The following SNX24 variants were observed in gnomAD, a reference collection of about 807,000 sequenced individuals.
The protein encoded by SNX24 is sorting nexin 24.
A neutral mutation model predicts 28.7 loss-of-function variants in SNX24; 22 were observed. That is an observed-to-expected ratio of 0.77 (90% CI 0.55 to 1.10). The LOEUF (loss-of-function observed/expected upper bound fraction) is 1.10. Ranked by LOEUF, SNX24 falls within the 50% of genes least tolerant of loss-of-function variation. SNX24 has a pLI of 0.00. For missense variants in SNX24, 221 were observed against 201.1 expected (o/e 1.10, Z -0.60); for synonymous variants, 69 against 71.5 (o/e 0.96, Z 0.18).
At chr5:122,966,800 TA>T (rs1476507052) in intron 3 of SNX24, among the ~76,000 whole-genome samples, 2 of 152,164 alleles carry the variant, frequency 1.3e-5, no homozygotes, top group Non-Finnish European at 2.9e-5. Flanking sequence ...TTAGCTAAAA[TA>T]CATGAAGCAT....
At chr5:123,020,368 G>A (rs917968815) in intron 5 of SNX24, among the ~76,000 whole-genome samples, 1 of 152,308 alleles carries the variant, frequency 6.6e-6, no homozygotes, top group East Asian at 1.9e-4. Flanking sequence ...GCATTTTGTT[G>A]TATTTGCTTT....
chr5:122,981,711 T>C (rs1761400929), intron 3 of SNX24, among the ~76,000 whole-genome samples: 1 of 152,272 alleles, frequency 6.6e-6, no homozygotes, highest in African/African-American at 2.4e-5. Context: ...GCAGTCTCGC[T>C]CTGTCTCCCA....
At chr5:122,983,675 C>T (rs1273161732) in intron 3 of SNX24, among the ~76,000 whole-genome samples, 2 of 152,198 alleles carry the variant, frequency 1.3e-5, no homozygotes, top group Non-Finnish European at 2.9e-5. Flanking sequence ...AAGATCATAG[C>T]TCACTGTAGC....
At chr5:122,863,463 G>A (rs2150044576) in intron 1 of SNX24, among the ~76,000 whole-genome samples, 1 of 152,130 alleles carries the variant, frequency 6.6e-6, no homozygotes, top group African/African-American at 2.4e-5. Flanking sequence ...GAGATGGAAT[G>A]GTGGGGTGGG....
intron 1 of SNX24, among the ~76,000 whole-genome samples, chr5:122,913,023 G>T (rs1238497592): frequency 6.6e-6 from 1 of 152,156 alleles, no homozygotes; most frequent in African/African-American, 2.4e-5. Context: ...AGAGCACAGG[G>T]TTGGGGGTAA....
At chr5:122,967,634 G>A (rs975435077) in intron 3 of SNX24, among the ~76,000 whole-genome samples, 2 of 152,182 alleles carry the variant, frequency 1.3e-5, no homozygotes, top group Non-Finnish European at 2.9e-5. Context: ...ACTTTCACAA[G>A]TTGAAATGTC....
chr5:122,879,579 C>A (rs948068336), intron 1 of SNX24, among the ~76,000 whole-genome samples: 1 of 152,210 alleles, frequency 6.6e-6, no homozygotes, highest in Non-Finnish European at 1.5e-5. Flanking sequence ...CTACCACTTA[C>A]AAGCTGTGAG....
chr5:122,863,928 T>C (rs781509258), intron 1 of SNX24, among the ~76,000 whole-genome samples: 7 of 151,248 alleles, frequency 4.6e-5, no homozygotes, highest in African/African-American at 1.7e-4. Context: ...CCAGCCCATG[T>C]TGGCTTTTAC....
At chr5:123,011,721 G>A (rs1280610300), downstream of SNX24, among the ~76,000 whole-genome samples, 2 of 152,214 alleles carry the variant, frequency 1.3e-5, no homozygotes, top group African/African-American at 4.8e-5. Flanking sequence ...ACTGTACATT[G>A]CTGGTGGAAG....
At chr5:122,869,182 C>T (rs1315971639) in intron 1 of SNX24, among the ~76,000 whole-genome samples, 1 of 152,176 alleles carries the variant, frequency 6.6e-6, no homozygotes, top group Non-Finnish European at 1.5e-5. Context: ...TTGATGACTG[C>T]AGCTTCCAAA....
At chr5:122,997,958 A>G (rs1053991513) in intron 3 of SNX24, among the ~76,000 whole-genome samples, 5 of 152,170 alleles carry the variant, frequency 3.3e-5, no homozygotes, top group Non-Finnish European at 7.3e-5. Context: ...TCATTGAAAC[A>G]TGTGTCATAG....
chr5:122,956,686 A>T (rs1760232146), intron 3 of SNX24, among the ~76,000 whole-genome samples: 1 of 151,998 alleles, frequency 6.6e-6, no homozygotes, highest in Non-Finnish European at 1.5e-5. Flanking sequence ...CCTCCTCCTC[A>T]TGAGCACCTG....
At chr5:122,865,181 G>C (rs928489708) in intron 1 of SNX24, among the ~76,000 whole-genome samples, 3 of 152,252 alleles carry the variant, frequency 2.0e-5, no homozygotes, top group Non-Finnish European at 4.4e-5. Context: ...TGGGCACCCT[G>C]TGGCCCACTG....
chr5:122,883,920 G>A lies in SNX24; in HGVS notation c.60+38227G>A, dbSNP rs375168326. On this transcript the variant is annotated intron_variant, in intron 1 of 6. Coordinates refer to ENST00000261369, the MANE Select transcript of SNX24 (RefSeq NM_014035.4). The stretch of plus-strand genomic sequence containing the variant: ...TCCTCTCACCTTAGTCTCTCAAAGT[G>A]TTGGGATTACAGGCATGAGCCAGTA... Among the ~76,000 whole-genome samples, 12 of 152,298 alleles carry A rather than the reference G, an allele frequency of 7.9e-5. No individual in the cohort carries two copies. In the East Asian group the frequency reaches 1.5e-3, roughly 20 times the overall value.
At chr5:122,894,133 C>G (rs1385924153) in intron 1 of SNX24, among the ~76,000 whole-genome samples, 1 of 151,626 alleles carries the variant, frequency 6.6e-6, no homozygotes, top group Admixed American at 6.6e-5. Flanking sequence ...TTTCCAAAAC[C>G]TCTTGATTTA....
intron 3 of SNX24, among the ~76,000 whole-genome samples, chr5:122,985,244 G>C (rs925621588): frequency 5.3e-5 from 8 of 152,180 alleles, no homozygotes; most frequent in African/African-American, 1.7e-4. Context: ...TTTCACCAGA[G>C]CTTGAGAGAG....
chr5:122,968,481 C>G (rs1392610988), intron 3 of SNX24, among the ~76,000 whole-genome samples: 2 of 152,198 alleles, frequency 1.3e-5, no homozygotes, highest in African/African-American at 2.4e-5. Flanking sequence ...TAAAGAACAA[C>G]TGTGTGACAT....
intron 5 of SNX24, among the ~76,000 whole-genome samples, chr5:123,018,345 G>A (rs564621217): frequency 2.6e-4 from 40 of 152,222 alleles, no homozygotes; most frequent in Middle Eastern, 3.4e-3. Context: ...CAGAGGCACC[G>A]GAAGCAGGCT....
At position 123,008,076 on chromosome 5, in the gene SNX24, C is replaced by T. The variant is rs571313392; in HGVS notation, c.*327C>T. ...AAACAAAGCCACTCTCTGCTTCAGT[C>T]GCACCATTTGCTAATTGAAAATCAT... On this transcript the variant is annotated 3_prime_UTR_variant, in exon 7 of 7. Coordinates refer to ENST00000261369, the MANE Select transcript of SNX24 (RefSeq NM_014035.4). 10 of 1,049,356 alleles carry T rather than the reference C, an allele frequency of 9.5e-6. No individual in the cohort carries two copies. Among genetic ancestry groups the T allele is most frequent in the African/African-American group, 6.9e-5 (4 of 58,366 alleles). 65.0% of individuals were successfully genotyped at this position (1,049,356 alleles called of 1,614,324 possible).
Sources: allele counts gnomAD v4.1 joint callset (sites outside exome capture counted in the v4.1 genomes callset), GRCh38; gene constraint gnomAD v4.1.1; transcripts MANE v1.5; gene names NCBI Gene and HGNC (gene_info 2026-07-23, HGNC 2026-07-21).